RPSA2: variants seen among roughly 807,000 people sequenced by gnomAD.
RPSA2 encodes ribosomal protein SA 2.
chr19:23,774,450 A>T, the RPSA2 span, among the ~76,000 whole-genome samples: 1 of 145,264 alleles, frequency 6.9e-6, no homozygotes, highest in Non-Finnish European at 1.5e-5. Flanking sequence ...TTCTGCTGGC[A>T]AGGGAGATTG....
At chr19:23,771,049 A>AT in the RPSA2 span, among the ~76,000 whole-genome samples, 1 of 152,148 alleles carries the variant, frequency 6.6e-6, no homozygotes, top group South Asian at 2.1e-4. Flanking sequence ...TCCTCTTTGT[A>AT]TGAAGGTCAT....
chr19:23,814,579 T>C, the RPSA2 span, among the ~76,000 whole-genome samples: 28 of 152,356 alleles, frequency 1.8e-4, no homozygotes, highest in East Asian at 3.9e-3. Context: ...AATAAAATTT[T>C]AACATTTTAA....
the RPSA2 span, among the ~76,000 whole-genome samples, chr19:23,794,352 C>T: frequency 0.98 from 148,924 of 152,254 alleles, 72,925 homozygotes; most frequent in Middle Eastern, 1. Context: ...CTCTGCAACC[C>T]TGACAGCATC....
the RPSA2 span, among the ~76,000 whole-genome samples, chr19:23,859,209 G>A: frequency 1.3e-5 from 2 of 152,272 alleles, no homozygotes; most frequent in Admixed American, 6.5e-5. Flanking sequence ...GGCCACTGAT[G>A]CAAAGTGCAA....
chr19:23,759,135 C>T, the RPSA2 span, among the ~76,000 whole-genome samples: 148,901 of 152,194 alleles, frequency 0.98, 72,933 homozygotes, highest in Middle Eastern at 1. Context: ...TGCCTTTAAC[C>T]TTCTGTGTAA....
At chr19:23,830,022 AC>A in the RPSA2 span, among the ~76,000 whole-genome samples, 1 of 144,888 alleles carries the variant, frequency 6.9e-6, no homozygotes, top group Non-Finnish European at 1.5e-5. Context: ...GTTCCAATAT[AC>A]TTTTTTAGAA....
the RPSA2 span, among the ~76,000 whole-genome samples, chr19:23,780,954 T>G: frequency 6.6e-6 from 1 of 152,222 alleles, no homozygotes; most frequent in Admixed American, 6.5e-5. Flanking sequence ...GACTCTCATT[T>G]GTGGATTTTG....
chr19:23,823,815 C>T, the RPSA2 span: 3,321 of 152,582 alleles, frequency 0.022, 129 homozygotes, highest in African/African-American at 0.076. Flanking sequence ...GGGAGGGGCA[C>T]TGGGTTGTGG....
At chr19:23,772,210 A>G in the RPSA2 span, among the ~76,000 whole-genome samples, 1 of 152,168 alleles carries the variant, frequency 6.6e-6, no homozygotes, top group Non-Finnish European at 1.5e-5. Flanking sequence ...ACACAAGGTG[A>G]TTTGGCTCTT....
At chr19:23,771,340 T>G in the RPSA2 span, among the ~76,000 whole-genome samples, 3 of 152,366 alleles carry the variant, frequency 2.0e-5, no homozygotes, top group African/African-American at 7.2e-5. Context: ...AGTTGTTGAC[T>G]TCAATAAATG....
the RPSA2 span, among the ~76,000 whole-genome samples, chr19:23,789,616 T>A: frequency 3.2e-4 from 49 of 152,168 alleles, no homozygotes; most frequent in Admixed American, 2.5e-3. Context: ...TTTGCCAAGG[T>A]CCTAGAGAAT....
chr19:23,832,923 T>C, the RPSA2 span: 2 of 1,529,546 alleles, frequency 1.3e-6, no homozygotes, highest in Non-Finnish European at 1.8e-6. Flanking sequence ...TTAACCTGTC[T>C]TCAAGCTTTA....
the RPSA2 span, chr19:23,807,698 T>G: frequency 9.4e-6 from 2 of 213,442 alleles, no homozygotes; most frequent in South Asian, 1.7e-4. Flanking sequence ...AATTATTTTA[T>G]TGGATAATTT....
chr19:23,828,859 G>A, the RPSA2 span, among the ~76,000 whole-genome samples: 1 of 150,916 alleles, frequency 6.6e-6, no homozygotes, highest in African/African-American at 2.4e-5. Flanking sequence ...AAAATATATT[G>A]TTCTAATTAT....
chr19:23,772,402 C>T, the RPSA2 span, among the ~76,000 whole-genome samples: 3 of 152,160 alleles, frequency 2.0e-5, no homozygotes. Context: ...ATGTGACTCT[C>T]CTCCTAACTC....
the RPSA2 span, chr19:23,763,026 T>A: frequency 6.6e-6 from 1 of 152,610 alleles, no homozygotes; most frequent in Admixed American, 6.5e-5. Flanking sequence ...CGGTCTCTTC[T>A]GTTCCGCGTC....
At chr19:23,852,707 T>G in the RPSA2 span, among the ~76,000 whole-genome samples, 1 of 152,230 alleles carries the variant, frequency 6.6e-6, no homozygotes. Flanking sequence ...TATGGACATG[T>G]TATATTGCTG....
chr19:23,797,410 G>A, the RPSA2 span, among the ~76,000 whole-genome samples: 1 of 152,040 alleles, frequency 6.6e-6, no homozygotes, highest in Non-Finnish European at 1.5e-5. Context: ...GCCCAGCCCT[G>A]GCCTGTTTTT....
chr19:23,774,830 A>G, the RPSA2 span, among the ~76,000 whole-genome samples: 1 of 152,130 alleles, frequency 6.6e-6, no homozygotes. Context: ...TCCCTGACTG[A>G]GCACCCAGGT....
Sources: gnomAD v4.1 joint callset for allele counts (sites outside exome capture counted in the v4.1 genomes callset) on GRCh38, gnomAD v4.1.1 for gene constraint, MANE v1.5 for transcripts, NCBI Gene and HGNC (gene_info 2026-07-23, HGNC 2026-07-21) for gene names.